The following TMEM178B variants were observed in gnomAD, a reference collection of about 807,000 sequenced individuals.
TMEM178B encodes transmembrane protein 178B.
A neutral mutation model predicts 31.0 loss-of-function variants in TMEM178B; 5 were observed. The observed-to-expected ratio is 0.16, with a 90% confidence interval of 0.08 to 0.34. The LOEUF is 0.34. TMEM178B is among the 10% of genes least tolerant of loss of function. The probability of loss-of-function intolerance (pLI) is 1.00; values close to 1 mark genes in which losing one functional copy is unlikely to be tolerated. For missense variants in TMEM178B, 275 were observed against 400.3 expected (o/e 0.69, Z 2.67); for synonymous variants, 164 against 164.0 (o/e 1.00, Z 0.00).
intron 1 of TMEM178B, among the ~76,000 whole-genome samples, chr7:141,193,461 C>T (rs1173167396): frequency 6.6e-6 from 1 of 152,204 alleles, no homozygotes; most frequent in Non-Finnish European, 1.5e-5. Context: ...TCCATCAGCA[C>T]GAGTTGCTCC....
rs143515959 is a variant in TMEM178B at position 141,102,292 on chromosome 7, A to G, written c.382+27600A>G. 6.0e-3 allele frequency among the ~76,000 whole-genome samples: 909 copies of G among 152,326 alleles called. 10 individuals are homozygous for G. Among genetic ancestry groups the G allele is most frequent in the African/African-American group, 0.02 (843 of 41,574 alleles). ...GTTAGGGTGGGTAAAGAGTTTCACT[A>G]TCTAAAACCTTTCTCTTATGAAGAA... On this transcript the variant is annotated intron_variant, in intron 1 of 3. Transcript: ENST00000565468.
In TMEM178B at chr7:141,213,234, T is replaced by G. The variant is rs149668770; in HGVS notation, c.496+530T>G. ...CCCTCAAATGATAGGTTTTGGAACC[T>G]TGGTTCATGTGCAATTCCTCAGCAA... On this transcript the variant is annotated intron_variant, in intron 2 of 3. Transcript: ENST00000565468. 6.0e-3 allele frequency among the ~76,000 whole-genome samples: 907 copies of G among 152,324 alleles called. 12 individuals carry two copies. Among genetic ancestry groups the G allele is most frequent in the African/African-American group, 0.021 (867 of 41,572 alleles).
chr7:141,466,876 C>T (rs998268910), intron 3 of TMEM178B, among the ~76,000 whole-genome samples: 4 of 152,170 alleles, frequency 2.6e-5, no homozygotes, highest in Non-Finnish European at 5.9e-5. Context: ...CAATTGGAAG[C>T]ATCCACAGTA....
At chr7:141,297,927 G>A (rs1459617873) in intron 2 of TMEM178B, among the ~76,000 whole-genome samples, 2 of 152,156 alleles carry the variant, frequency 1.3e-5, no homozygotes, top group African/African-American at 4.8e-5. Context: ...TTGAGGAATC[G>A]CCACACTGTC....
At chr7:141,192,479 C>T (rs1586818479) in intron 1 of TMEM178B, among the ~76,000 whole-genome samples, 1 of 141,256 alleles carries the variant, frequency 7.1e-6, no homozygotes, top group Non-Finnish European at 1.5e-5. Flanking sequence ...GGGGACTCTC[C>T]ATGCAGCGGT....
At chr7:141,117,042 T>G (rs566363485) in intron 1 of TMEM178B, among the ~76,000 whole-genome samples, 2 of 152,308 alleles carry the variant, frequency 1.3e-5, no homozygotes, top group East Asian at 1.9e-4. Flanking sequence ...GTAATGGAAT[T>G]GCTGGGTCAA....
intron 1 of TMEM178B, among the ~76,000 whole-genome samples, chr7:141,188,078 C>T (rs1796639717): frequency 6.6e-6 from 1 of 152,120 alleles, no homozygotes; most frequent in Admixed American, 6.5e-5. Flanking sequence ...GGTTTTAGGT[C>T]TAACATTTAA....
chr7:141,120,325 TGTTA>T (rs989136717), intron 1 of TMEM178B, among the ~76,000 whole-genome samples: 1 of 152,222 alleles, frequency 6.6e-6, no homozygotes, highest in African/African-American at 2.4e-5. Context: ...TTCATATCCA[TGTTA>T]GTTTTTTAAA....
intron 2 of TMEM178B, among the ~76,000 whole-genome samples, chr7:141,406,355 A>G (rs1452659963): frequency 1.3e-5 from 2 of 152,156 alleles, no homozygotes; most frequent in South Asian, 4.2e-4. Flanking sequence ...CCTGCCTTCC[A>G]TCTTGACCCT....
At position 141,227,453 on chromosome 7, in the gene TMEM178B, C is replaced by A. The variant is rs559478869; in HGVS notation, c.496+14749C>A. The stretch of plus-strand genomic sequence containing the variant: ...GAGGCTGTGCTAAGTGCCTGACATA[C>A]CTTATTCACTGAAATCTCAAATGTA... On this transcript the variant is annotated intron_variant, in intron 2 of 3. Coordinates refer to ENST00000565468, the MANE Select transcript of TMEM178B (RefSeq NM_001195278.2). Among the ~76,000 whole-genome samples the A allele has an allele frequency of 4.6e-5, 7 of 152,268 alleles. No individual in the cohort carries two copies. In the East Asian group the frequency reaches 7.7e-4, roughly 17 times the overall value.
chr7:141,358,640 A>G (rs1799864189), intron 2 of TMEM178B, among the ~76,000 whole-genome samples: 1 of 151,830 alleles, frequency 6.6e-6, no homozygotes, highest in Admixed American at 6.6e-5. Flanking sequence ...AAAGTTTCCC[A>G]ACTTTTCTTA....
intron 1 of TMEM178B, among the ~76,000 whole-genome samples, chr7:141,190,867 G>A (rs1223513493): frequency 6.6e-6 from 1 of 152,100 alleles, no homozygotes; most frequent in Non-Finnish European, 1.5e-5. Flanking sequence ...GCATAGGCAA[G>A]CATATACCTA....
rs1016936416 is a variant in TMEM178B at position 141,074,821 on chromosome 7, C to A, written c.382+129C>A. The A allele has an allele frequency of 3.0e-5, 38 of 1,286,132 alleles. No individual in the cohort carries two copies. The highest frequency in any genetic ancestry group is 3.8e-5 in the Non-Finnish European group (37 of 966,386). 79.7% of individuals were successfully genotyped at this position (1,286,132 alleles called of 1,614,324 possible). ...GTTCCAGGCGGTCCGGTTATCCAGG[C>A]CTGGCTGAGCCTCGGGGCCAGGACT... On this transcript the variant is annotated intron_variant, in intron 1 of 3. Transcript: ENST00000565468. The surrounding 1 kb of genome is among the most constrained non-coding windows in gnomAD (Gnocchi z 5.1).
the TMEM178B span, among the ~76,000 whole-genome samples, chr7:141,488,533 G>A: frequency 2.6e-5 from 4 of 151,882 alleles, no homozygotes; most frequent in Non-Finnish European, 5.9e-5. Context: ...TCTGCCTCCC[G>A]GGTTCAAGTG....
At chr7:141,223,932 A>G (rs10248815) in intron 2 of TMEM178B, among the ~76,000 whole-genome samples, 135,549 of 152,174 alleles carry the variant, frequency 0.89, 60,695 homozygotes, top group East Asian at 0.99. Flanking sequence ...ACGTGGTTTG[A>G]CTGTGTCCCC....
the TMEM178B span, among the ~76,000 whole-genome samples, chr7:141,494,851 G>T: frequency 6.6e-6 from 1 of 152,168 alleles, no homozygotes; most frequent in Non-Finnish European, 1.5e-5. Flanking sequence ...AGATAGTTAT[G>T]GGTTAAGTGA....
At chr7:141,126,856 AGTGTGTGTGTGT>A (rs10600930) in intron 1 of TMEM178B, among the ~76,000 whole-genome samples, 15 of 145,686 alleles carry the variant, frequency 1.0e-4, no homozygotes, top group African/African-American at 7.6e-5. Flanking sequence ...ATCTTCTCAA[AGTGTGTGTGTGT>A]GTGTGTGTGT....
At chr7:141,275,535 G>A (rs560141447) in intron 2 of TMEM178B, among the ~76,000 whole-genome samples, 3 of 152,272 alleles carry the variant, frequency 2.0e-5, no homozygotes, top group South Asian at 4.1e-4. Flanking sequence ...GTAGGGGAAG[G>A]ATGGGAGCAC....
At chr7:141,413,704 G>A (rs972946606) in intron 2 of TMEM178B, among the ~76,000 whole-genome samples, 6 of 152,292 alleles carry the variant, frequency 3.9e-5, no homozygotes, top group African/African-American at 7.2e-5. Flanking sequence ...CTGCGCAGAC[G>A]ATGCTGAAAA....
Sources: gnomAD v4.1 joint callset for allele counts (sites outside exome capture counted in the v4.1 genomes callset) on GRCh38, gnomAD v4.1.1 for gene constraint, Gnocchi (gnomAD v3.1) non-coding constraint, MANE v1.5 for transcripts, NCBI Gene and HGNC (gene_info 2026-07-23, HGNC 2026-07-21) for gene names.